Variants in PDZRN4 observed in about 807,000 individuals in gnomAD.
The protein encoded by PDZRN4 is PDZ domain-containing RING finger protein 4.
Under a neutral mutation model 99.0 loss-of-function variants are expected in PDZRN4, and 70 were observed. That is an observed-to-expected ratio of 0.71 (90% CI 0.58 to 0.86). PDZRN4 has a LOEUF of 0.86. Among genes scored for constraint, PDZRN4 ranks in the 40% least tolerant of loss-of-function variants. PDZRN4 has a pLI of 0.00. For synonymous variants in PDZRN4, 551 were observed against 501.6 expected, an observed-to-expected ratio of 1.10 and a Z score of -1.32; for missense variants, 1,474 against 1,331.2, an observed-to-expected ratio of 1.11 and a Z score of -1.67.
intron 3 of PDZRN4, among the ~76,000 whole-genome samples, chr12:41,231,019 T>G (rs1951025255): frequency 6.6e-6 from 1 of 152,090 alleles, no homozygotes; most frequent in Non-Finnish European, 1.5e-5. Flanking sequence ...TGTGGTTTAA[T>G]GGAGTGTGTA....
chr12:41,492,451 C>T (rs566085822), intron 3 of PDZRN4, among the ~76,000 whole-genome samples: 63 of 152,148 alleles, frequency 4.1e-4, no homozygotes, highest in African/African-American at 1.3e-3. Context: ...TGGGAGGGGA[C>T]GAGTGTTTAC....
intron 3 of PDZRN4, among the ~76,000 whole-genome samples, chr12:41,464,819 A>ATTT (rs1952908994): frequency 9.5e-6 from 1 of 105,686 alleles, no homozygotes; most frequent in African/African-American, 4.0e-5. Context: ...TGCCTGTTGT[A>ATTT]CTTTTTTTTT....
At chr12:41,365,542 G>T (rs1171793020) in intron 3 of PDZRN4, among the ~76,000 whole-genome samples, 2 of 151,968 alleles carry the variant, frequency 1.3e-5, no homozygotes, top group African/African-American at 4.8e-5. Flanking sequence ...TTATTTTGAT[G>T]CCCTTTGAAT....
chr12:41,322,486 CCTTT>C (rs1176357150), intron 3 of PDZRN4, among the ~76,000 whole-genome samples: 1 of 56,156 alleles, frequency 1.8e-5, no homozygotes, highest in Non-Finnish European at 4.1e-5. Flanking sequence ...GATTTTCTTT[CCTTT>C]TTTTTTTTTT....
At chr12:41,524,507 A>G (rs1357351516) in intron 5 of PDZRN4, among the ~76,000 whole-genome samples, 1 of 152,152 alleles carries the variant, frequency 6.6e-6, no homozygotes, top group African/African-American at 2.4e-5. Flanking sequence ...GCTCATCTAC[A>G]GAAAGGGAAA....
chr12:41,358,824 C>T (rs988583693), intron 3 of PDZRN4, among the ~76,000 whole-genome samples: 6 of 151,988 alleles, frequency 3.9e-5, no homozygotes, highest in African/African-American at 1.2e-4. Flanking sequence ...ATTGTGAGCA[C>T]ATGTCAAAGC....
At chr12:41,216,944 T>C (rs1371836368) in intron 3 of PDZRN4, among the ~76,000 whole-genome samples, 1 of 152,104 alleles carries the variant, frequency 6.6e-6, no homozygotes, top group Non-Finnish European at 1.5e-5. Context: ...AGAGTTTTCC[T>C]CATGTAGAAA....
At chr12:41,263,644 A>G (rs1233451415) in intron 3 of PDZRN4, among the ~76,000 whole-genome samples, 1 of 152,138 alleles carries the variant, frequency 6.6e-6, no homozygotes, top group Non-Finnish European at 1.5e-5. Context: ...CCGAGATCCC[A>G]CCACTGCACT....
At position 41,398,233 on chromosome 12, in the gene PDZRN4, A is replaced by G. The variant is rs575543931; in HGVS notation, c.844-108223A>G. 1.2e-3 allele frequency among the ~76,000 whole-genome samples: 186 copies of G among 152,276 alleles called. 1 individual carries two copies. Among genetic ancestry groups the G allele is most frequent in the Non-Finnish European group, 1.9e-3 (128 of 68,014 alleles). ...CCCCCAGATCAGAAGACTGGCTGGC[A>G]TTGGGAAAGAGTGGATTAAAAGCAG... On this transcript the variant is annotated intron_variant, in intron 3 of 9. Transcript: ENST00000402685.
At chr12:41,258,036 C>T (rs143248049) in intron 3 of PDZRN4, among the ~76,000 whole-genome samples, 79 of 152,178 alleles carry the variant, frequency 5.2e-4, no homozygotes, top group African/African-American at 1.5e-3. Context: ...TTGAGTGATC[C>T]GGGCATGGTC....
intron 3 of PDZRN4, among the ~76,000 whole-genome samples, chr12:41,475,825 A>G (rs988720969): frequency 9.2e-5 from 14 of 152,184 alleles, no homozygotes; most frequent in African/African-American, 3.4e-4. Flanking sequence ...ATCCCTTTCT[A>G]CTTATCTCCT....
chr12:41,454,440 T>C (rs1592065664), intron 3 of PDZRN4, among the ~76,000 whole-genome samples: 1 of 152,216 alleles, frequency 6.6e-6, no homozygotes, highest in Non-Finnish European at 1.5e-5. Flanking sequence ...TTTTCTTTTC[T>C]TACAAAATTC....
At chr12:41,306,306 C>T (rs934213208) in intron 3 of PDZRN4, among the ~76,000 whole-genome samples, 4 of 152,228 alleles carry the variant, frequency 2.6e-5, no homozygotes, top group Non-Finnish European at 5.9e-5. Flanking sequence ...TGACCAGAGA[C>T]TGTTGGGTCT....
intron 3 of PDZRN4, among the ~76,000 whole-genome samples, chr12:41,443,529 T>A (rs1411513861): frequency 1.3e-5 from 2 of 152,060 alleles, no homozygotes; most frequent in Non-Finnish European, 2.9e-5. Context: ...AAGAGAACTG[T>A]GATAAGAGTT....
intron 3 of PDZRN4, among the ~76,000 whole-genome samples, chr12:41,284,681 C>T (rs897967970): frequency 4.6e-5 from 7 of 152,104 alleles, no homozygotes; most frequent in African/African-American, 1.7e-4. Flanking sequence ...TGACACAGAA[C>T]AGAAGCCTCA....
chr12:41,258,168 C>T (rs1951215757), intron 3 of PDZRN4, among the ~76,000 whole-genome samples: 1 of 152,106 alleles, frequency 6.6e-6, no homozygotes, highest in African/African-American at 2.4e-5. Flanking sequence ...TTATACTGGA[C>T]CAGTTGGTGT....
chr12:41,336,222 A>T (rs1951773332), intron 3 of PDZRN4, among the ~76,000 whole-genome samples: 1 of 152,140 alleles, frequency 6.6e-6, no homozygotes. Flanking sequence ...GGCATATGTG[A>T]TTCAAAGAGA....
At chr12:41,402,146 C>T (rs1211938547) in intron 3 of PDZRN4, among the ~76,000 whole-genome samples, 1 of 93,248 alleles carries the variant, frequency 1.1e-5, no homozygotes, top group African/African-American at 5.7e-5. Context: ...TATATACACA[C>T]ACTGAGTATA....
intron 3 of PDZRN4, among the ~76,000 whole-genome samples, chr12:41,318,137 A>C (rs1254543920): frequency 6.6e-6 from 1 of 152,208 alleles, no homozygotes; most frequent in Non-Finnish European, 1.5e-5. Context: ...GAGCTGCTGG[A>C]AAACTTTGTT....
Sources: gnomAD v4.1 joint callset for allele counts (sites outside exome capture counted in the v4.1 genomes callset) on GRCh38, gnomAD v4.1.1 for gene constraint, MANE v1.5 for transcripts, NCBI Gene and HGNC (gene_info 2026-07-23, HGNC 2026-07-21) for gene names.